WDR26: variants seen among roughly 807,000 people sequenced by gnomAD.
WDR26 encodes the protein WD repeat-containing protein 26.
In WDR26, 5 loss-of-function variants were observed where a neutral mutation model predicts 84.1. That is an observed-to-expected ratio of 0.06 (90% CI 0.03 to 0.13). The LOEUF (loss-of-function observed/expected upper bound fraction) is 0.13. Among genes scored for constraint, WDR26 ranks in the 10% least tolerant of loss-of-function variants. The pLI is 1.00. For missense variants in WDR26, 642 were observed against 974.9 expected (o/e 0.66, Z 4.55); for synonymous variants, 415 against 389.6 (o/e 1.07, Z -0.77).
At position 224,434,182 on chromosome 1, in the gene WDR26, G is replaced by C. The variant is rs1454918747; in HGVS notation, c.224C>G (p.Pro75Arg). 1 of 1,421,556 alleles carries C rather than the reference G, an allele frequency of 7.0e-7. No homozygotes were observed. Among genetic ancestry groups the C allele is most frequent in the African/African-American group, 1.5e-5 (1 of 68,358 alleles). The allele number at this position is 1,421,556 out of a possible 1,614,324, so 88.1% of individuals were successfully genotyped here. A position where few individuals can be genotyped will look rare whatever the true frequency, so the allele number is the denominator to read the frequency against. The change falls in exon 1 of 14, where the codon CCC becomes CGC. Residue 75 changes from proline (P) to arginine (R), a missense_variant. Pro to Arg is a moderately radical substitution (Grantham distance 103). This residue lies in a region of WDR26 where 291 missense variants were observed against 302.1 expected (regional missense o/e 0.96). Coordinates refer to ENST00000414423, the MANE Select transcript of WDR26 (RefSeq NM_001379403.1). ...GGCGGCGGGAGGGGCAGCAGCCGGG[G>C]GAAGTCCCACCACTACCACCACGGA...
At chr1:224,401,611 T>C (rs1401184450) in intron 8 of WDR26, among the ~76,000 whole-genome samples, 3 of 129,082 alleles carry the variant, frequency 2.3e-5, no homozygotes, top group South Asian at 2.3e-4. Context: ...GCGGTGGAGG[T>C]TGCAGTGAGC....
chr1:224,403,909 C>G (rs1673486506), intron 8 of WDR26, among the ~76,000 whole-genome samples: 1 of 152,260 alleles, frequency 6.6e-6, no homozygotes, highest in South Asian at 2.1e-4. Flanking sequence ...CGCACTCCAG[C>G]CTGGGCGACA....
rs1453392240 is a variant in WDR26, at chr1:224,434,030, GGCCCCCGCC to G, written c.367_375del (p.Gly123_Gly125del). The G allele has an allele frequency of 6.8e-7, 1 of 1,471,536 alleles. No individual in the cohort carries two copies. The highest frequency in any genetic ancestry group is 9.0e-7 in the Non-Finnish European group (1 of 1,115,304). The allele number at this position is 1,471,536 out of a possible 1,614,324, so 91.2% of individuals were successfully genotyped here. On this transcript the variant is annotated inframe_deletion, in exon 1 of 14. Coordinates refer to ENST00000414423, the MANE Select transcript of WDR26 (RefSeq NM_001379403.1). ...CAGGCGAGTTCCGGGGTCTGTCCCT[GGCCCCCGCC>G]GCCCCCTCCTCCTCCACCGCCGCCG... is the stretch of plus-strand genomic sequence containing the variant.
At chr1:224,418,561 T>G (rs956458106) in intron 5 of WDR26, 145 bp from the exon 6 acceptor site, 3 of 688,780 alleles carry the variant, frequency 4.4e-6, no homozygotes, top group African/African-American at 3.7e-5. Flanking sequence ...ATGCGATACG[T>G]GAGCTTTACG....
intron 1 of WDR26, among the ~76,000 whole-genome samples, chr1:224,432,811 CTCCT>C (rs1674433685): frequency 6.6e-6 from 1 of 152,168 alleles, no homozygotes; most frequent in Non-Finnish European, 1.5e-5. Context: ...TCTCTTGCAC[CTCCT>C]TCATCAGGCA....
At chr1:224,399,921 A>C (rs1030978939) in intron 9 of WDR26, among the ~76,000 whole-genome samples, 1 of 152,178 alleles carries the variant, frequency 6.6e-6, no homozygotes, top group African/African-American at 2.4e-5. Context: ...GCAGTGAGCC[A>C]TGATCACACC....
intron 5 of WDR26, among the ~76,000 whole-genome samples, chr1:224,419,294 T>C (rs974025560): frequency 6.6e-6 from 1 of 152,172 alleles, no homozygotes; most frequent in East Asian, 1.9e-4. Context: ...CATCATCACA[T>C]AATACAAATG....
chr1:224,389,897 CGGGGGAGGGAAG>C, intron 13 of WDR26, 37 bp from the exon 14 acceptor site: 1 of 174,214 alleles, frequency 5.7e-6, no homozygotes, highest in Non-Finnish European at 1.1e-5. Flanking sequence ...GGGGGGCGGG[CGGGGGAGGGAAG>C]AGGGGAAGGA....
rs187904370 is a variant in WDR26 at position 224,431,919 on chromosome 1, C to G, written c.723-138G>C. The G allele has an allele frequency of 1.7e-4, 102 of 596,974 alleles. 1 individual carries two copies. In the Admixed American group the frequency reaches 1.9e-3, roughly 11 times the overall value. 37.0% of individuals were successfully genotyped at this position (596,974 alleles called of 1,614,324 possible). Reference sequence around the variant, plus strand: ...GAAGAAAAAAATAGCTTTCATGTGCCTGGTTAAACAAACTTTATTTAAAAC... The same window carrying G: ...GAAGAAAAAAATAGCTTTCATGTGCGTGGTTAAACAAACTTTATTTAAAAC... On this transcript the variant is annotated intron_variant, in intron 1 of 13. Coordinates refer to ENST00000414423, the MANE Select transcript of WDR26 (RefSeq NM_001379403.1).
chr1:224,404,658 A>G (rs1673504301), intron 7 of WDR26, 88 bp from the exon 8 acceptor site: 2 of 1,465,658 alleles, frequency 1.4e-6, no homozygotes, highest in Non-Finnish European at 1.8e-6. Flanking sequence ...ACAAAGATGT[A>G]CTTTGATAAT....
At position 224,386,853 on chromosome 1, in the gene WDR26, T is replaced by TCAAAA. The variant is rs1673002019; in HGVS notation, c.*2981_*2982insTTTTG. ...AATAAGAGCAACAGAAATGTAGCTGTTATGAAGACTAAAAAAATACAAAAA... is the reference window on the plus strand; with the variant it reads ...AATAAGAGCAACAGAAATGTAGCTGTCAAAATATGAAGACTAAAAAAATACAAAAA... On this transcript the variant is annotated 3_prime_UTR_variant, in exon 14 of 14. Coordinates refer to ENST00000414423, the MANE Select transcript of WDR26 (RefSeq NM_001379403.1). 6.6e-6 allele frequency: 1 copy of TCAAAA among 152,156 alleles called. No individual in the cohort carries two copies. Among genetic ancestry groups the TCAAAA allele is most frequent in the Non-Finnish European group, 1.5e-5 (1 of 68,020 alleles). 9.4% of individuals were successfully genotyped at this position (152,156 alleles called of 1,614,324 possible). A position where few individuals can be genotyped will look rare whatever the true frequency, so the allele number is the denominator to read the frequency against.
chr1:224,419,403 C>T (rs1163585267), intron 5 of WDR26, 115 bp downstream of exon 5: 5 of 824,148 alleles, frequency 6.1e-6, no homozygotes, highest in Non-Finnish European at 9.9e-6. Context: ...TCTCCCTCTT[C>T]TAAGCACTCA....
At chr1:224,398,785 G>A (rs1257399861) in intron 10 of WDR26, 104 bp downstream of exon 10, 8 of 1,434,528 alleles carry the variant, frequency 5.6e-6, no homozygotes, top group South Asian at 5.2e-5. Context: ...AAATTACCAC[G>A]CAAACCAAAA....
intron 4 of WDR26, among the ~76,000 whole-genome samples, chr1:224,420,539 T>C (rs1246727457): frequency 6.6e-6 from 1 of 152,194 alleles, no homozygotes; most frequent in African/African-American, 2.4e-5. Context: ...GTCTACGACC[T>C]GCTATACCTC....
At chr1:224,417,841 A>G (rs1465833272) in intron 6 of WDR26, among the ~76,000 whole-genome samples, 1 of 152,254 alleles carries the variant, frequency 6.6e-6, no homozygotes, top group Non-Finnish European at 1.5e-5. Flanking sequence ...AATTATGGAC[A>G]TGGGTACACA....
At chr1:224,413,073 C>T in intron 6 of WDR26, 1 of 187,372 alleles carries the variant, frequency 5.3e-6, no homozygotes, top group Non-Finnish European at 1.1e-5. Context: ...CCTGTACTCT[C>T]AGCTACTCAA....
intron 1 of WDR26, 83 bp downstream of exon 1, chr1:224,433,601 C>CCCCCCCCCCCCCCCT: frequency 9.1e-6 from 4 of 439,564 alleles, no homozygotes; most frequent in East Asian, 5.1e-5. Flanking sequence ...AAGCCCCCCT[C>CCCCCCCCCCCCCCCT]CCCCCTCCGC....
intron 5 of WDR26, 157 bp downstream of exon 5, chr1:224,419,361 T>C: frequency 3.3e-6 from 2 of 615,324 alleles, no homozygotes; most frequent in Non-Finnish European, 5.7e-6. Flanking sequence ...GTTAGCTTCT[T>C]AGACTCCATG....
At chr1:224,409,816 T>A (rs1011224750) in intron 7 of WDR26, among the ~76,000 whole-genome samples, 1 of 151,424 alleles carries the variant, frequency 6.6e-6, no homozygotes, top group African/African-American at 2.4e-5. Flanking sequence ...TGAGCCAAGA[T>A]TGCCCCACTG....
Sources: allele counts gnomAD v4.1 joint callset (sites outside exome capture counted in the v4.1 genomes callset), GRCh38; gene constraint gnomAD v4.1.1; regional missense constraint gnomAD v4.1.1; transcripts MANE v1.5; gene names NCBI Gene and HGNC (gene_info 2026-07-23, HGNC 2026-07-21).